The following GBA2 variants were observed in gnomAD, a reference collection of about 807,000 sequenced individuals.
GBA2 encodes the protein glucosylceramidase beta 2, also known as non-lysosomal glucosylceramidase.
A neutral mutation model predicts 112.9 loss-of-function variants in GBA2; 79 were observed. The ratio of observed to expected loss-of-function variants is 0.70; its 90% CI spans 0.58 to 0.84. The LOEUF (loss-of-function observed/expected upper bound fraction) is 0.84, where lower values mean the gene tolerates loss of function less well. GBA2 is among the 40% of genes least tolerant of loss of function. The pLI is 0.00. For missense variants in GBA2, 1,043 were observed against 1,190.0 expected, an observed-to-expected ratio of 0.88 and a Z score of 1.82; for synonymous variants, 403 against 434.3, an observed-to-expected ratio of 0.93 and a Z score of 0.90.
Position 35,737,772 on chromosome 9 carries a change from C to T in GBA2, c.2481G>A (p.Gly827=). 3.1e-6 allele frequency: 5 copies of T among 1,614,092 alleles called. No homozygotes were observed. The highest frequency in any genetic ancestry group is 4.2e-6 in the Non-Finnish European group (5 of 1,179,976). ...CCTCTTGGATCATGGTAGCTGCCAG[C>T]CCGTAGACCACACCCACCCAGACTT... ...SDEVWVGVVY[G]LAATMIQEGL... is the part of the protein sequence containing the mutation. The change falls in exon 16 of 17, where the codon GGG becomes GGA. Residue 827 remains glycine, a synonymous_variant. Transcript: ENST00000378103. The surrounding 1 kb of genome is among the most constrained non-coding windows in gnomAD (Gnocchi z 4.1).
At position 35,746,061 on chromosome 9, in the gene GBA2, C is replaced by T; in HGVS notation, c.360-1355G>A. Among the ~76,000 whole-genome samples, 1 of 152,318 alleles carries T rather than the reference C, an allele frequency of 6.6e-6. No individual in the cohort carries two copies. Among genetic ancestry groups the T allele is most frequent in the African/African-American group, 2.4e-5 (1 of 41,560 alleles). On this transcript the variant is annotated intron_variant, in intron 1 of 16. Transcript: ENST00000378103. This position sits in a 1 kb window ranked among gnomAD's most constrained non-coding sequence, Gnocchi z 5.2. ...ACTGTTATCTCAATTCCTAATCAGA[C>T]ATTGCCTTGTTATTTCAATGTTCCT...
chr9:35,739,589 G>T, intron 9 of GBA2, 39 bp downstream of exon 9: 1 of 1,585,154 alleles, frequency 6.3e-7, no homozygotes, highest in Non-Finnish European at 8.6e-7. Context: ...CCTGACTTGG[G>T]GATGGCCTGC....
intron 3 of GBA2, among the ~76,000 whole-genome samples, chr9:35,744,021 T>C (rs1489862207): frequency 6.6e-6 from 1 of 152,216 alleles, no homozygotes; most frequent in Non-Finnish European, 1.5e-5. Context: ...GGTTGGGGGC[T>C]GCCTCAGCTA....
At chr9:35,747,467 C>T (rs1827026061) in intron 1 of GBA2, among the ~76,000 whole-genome samples, 1 of 152,172 alleles carries the variant, frequency 6.6e-6, no homozygotes, top group African/African-American at 2.4e-5. Flanking sequence ...CTCCCCAGGG[C>T]TAGGGTTAGA....
chr9:35,746,356 A>T lies in GBA2; in HGVS notation c.360-1650T>A, dbSNP rs1826967837. Among the ~76,000 whole-genome samples, 1 of 152,222 alleles carries T rather than the reference A, an allele frequency of 6.6e-6. No individual in the cohort carries two copies. Among genetic ancestry groups the T allele is most frequent in the African/African-American group, 2.4e-5 (1 of 41,452 alleles). On this transcript the variant is annotated intron_variant, in intron 1 of 16. Coordinates refer to ENST00000378103, the MANE Select transcript of GBA2 (RefSeq NM_020944.3). This position sits in a 1 kb window ranked among gnomAD's most constrained non-coding sequence, Gnocchi z 5.2. ...GTAATCCCAGCACTTTGAGAGGCCG[A>T]GGTGGGCGGATCACGTGAGGTCAGG...
In GBA2 at chr9:35,741,694, G is replaced by A. The variant is rs1826696404; in HGVS notation, c.764C>T (p.Pro255Leu). The part of the protein sequence containing the change: ...NVTLTCRQIT[P>L]ILPHDYQDSS... ...CACCTGGTAGTCATGGGGCAAGATG[G>A]GTGTGATCTGACGGCAGGTGAGGGT... Residue 255 changes from proline (P) to leucine (L), a missense_variant, in exon 4 of 17, where the codon CCC (proline) becomes CTC (leucine). Physicochemically the swap from Pro to Leu is moderately conservative, Grantham distance 98. Transcript: ENST00000378103. This position sits in a 1 kb window ranked among gnomAD's most constrained non-coding sequence, Gnocchi z 4.6. 6.2e-7 allele frequency: 1 copy of A among 1,610,954 alleles called. No homozygotes were observed. Among genetic ancestry groups the A allele is most frequent in the African/African-American group, 1.3e-5 (1 of 74,818 alleles).
Position 35,737,120 on chromosome 9 carries a change from C to T in GBA2, c.*49G>A, listed in dbSNP as rs953706983. 1 of 1,569,978 alleles carries T rather than the reference C, an allele frequency of 6.4e-7. No individual in the cohort carries two copies. The highest frequency in any genetic ancestry group is 1.7e-5 in the Admixed American group (1 of 57,528). ...GGTTCAGAGGGGAAGGAGGAAAGGC[C>T]AGGCTGGAGGCTGGGCTGTTAGCAC... is the stretch of plus-strand genomic sequence containing the variant. On this transcript the variant is annotated 3_prime_UTR_variant, in exon 17 of 17. Coordinates refer to ENST00000378103, the MANE Select transcript of GBA2 (RefSeq NM_020944.3). This position sits in a 1 kb window ranked among gnomAD's most constrained non-coding sequence, Gnocchi z 4.1.
In GBA2 at chr9:35,737,402, T is replaced by C. The variant is rs377732636; in HGVS notation, c.2551A>G (p.Thr851Ala). ...GFQTAEGCYR[T>A]VWERLGLAFQ... is the part of the protein sequence containing the mutation. ...GCCAGACCCAGGCGCTCCCACACGG[T>C]ACGGTAGCAGCCTTCAGCTGTCTGG... Residue 851 changes from threonine to alanine, a missense_variant, in exon 17 of 17, where the codon ACC becomes GCC. Thr to Ala is a moderately conservative substitution (Grantham distance 58). Transcript: ENST00000378103. The surrounding 1 kb of genome is among the most constrained non-coding windows in gnomAD (Gnocchi z 4.1). The C allele has an allele frequency of 2.5e-6, 4 of 1,613,974 alleles. No homozygotes were observed. In the African/African-American group the frequency reaches 5.3e-5, roughly 22 times the overall value.
rs1426855000 is a variant in GBA2 at position 35,748,675 on chromosome 9, T to G, written c.30A>C (p.Gly10=). The part of the protein sequence containing the change: MGTQDPGNM[G]TGVPASEQIS... ...TCTGCTCCGAGGCTGGGACGCCGGT[T>G]CCCATGTTCCCTGGATCCTGGGTCC... is the stretch of plus-strand genomic sequence containing the variant. Residue 10 remains glycine (G), a synonymous_variant, in exon 1 of 17, where the codon GGA becomes GGC. Transcript: ENST00000378103. 6.3e-7 allele frequency: 1 copy of G among 1,581,984 alleles called. No homozygotes were observed. The highest frequency in any genetic ancestry group is 8.6e-7 in the Non-Finnish European group (1 of 1,160,954).
Position 35,748,693 on chromosome 9 carries a change from C to A in GBA2, c.12G>T (p.Gln4His). The A allele has an allele frequency of 6.4e-7, 1 of 1,563,036 alleles. No homozygotes were observed. Among genetic ancestry groups the A allele is most frequent in the South Asian group, 1.2e-5 (1 of 84,194 alleles). ...CGCCGGTTCCCATGTTCCCTGGATC[C>A]TGGGTCCCCATGACCTCGATGGCGC... is the stretch of plus-strand genomic sequence containing the variant. MGTQDPGNMGTGVP... is the reference protein window; with the variant it reads MGTHDPGNMGTGVP... Residue 4 changes from glutamine to histidine, a missense_variant, in exon 1 of 17, where the codon CAG becomes CAT. Coordinates refer to ENST00000378103, the MANE Select transcript of GBA2 (RefSeq NM_020944.3).
intron 10 of GBA2, 78 bp from the exon 11 acceptor site, chr9:35,739,187 T>A: frequency 9.5e-7 from 1 of 1,056,328 alleles, no homozygotes; most frequent in Non-Finnish European, 1.5e-6. Flanking sequence ...GTGACTGCAG[T>A]GGGGAACCAG....
intron 3 of GBA2, chr9:35,742,143 TC>T: frequency 1.8e-6 from 1 of 548,702 alleles, no homozygotes. Context: ...TCCTGCTTTT[TC>T]TGTGGCCCTT....
chr9:35,740,787 G>A lies in GBA2; in HGVS notation c.1026+38C>T, dbSNP rs564691501. ...GAGACCATGCTGGGGTGGAGGTGGG[G>A]TTCAGGGGCTAAGGTATAGGGCAGG... is the stretch of plus-strand genomic sequence containing the variant. On this transcript the variant is annotated intron_variant, in intron 5 of 16. Transcript: ENST00000378103. The surrounding 1 kb of genome is among the most constrained non-coding windows in gnomAD (Gnocchi z 4.7). The A allele has an allele frequency of 1.2e-6, 2 of 1,609,704 alleles. No homozygotes were observed. The highest frequency in any genetic ancestry group is 1.1e-5 in the South Asian group (1 of 90,862).
rs747712754 is a variant in GBA2, at chr9:35,748,830, A to C, written c.-126T>G. 1.4e-5 allele frequency: 9 copies of C among 634,404 alleles called. No individual in the cohort carries two copies. The highest frequency in any genetic ancestry group is 2.2e-5 in the Non-Finnish European group (8 of 364,988). 39.3% of individuals were successfully genotyped at this position (634,404 alleles called of 1,614,324 possible). On this transcript the variant is annotated 5_prime_UTR_variant, in exon 1 of 17. Coordinates refer to ENST00000378103, the MANE Select transcript of GBA2 (RefSeq NM_020944.3). ...CCGGGCGTTGGGGAAAGCTTAAATG[A>C]GCTGGTGTTTCAGTGGAGCCGGGGA...
At position 35,741,074 on chromosome 9, in the gene GBA2, G is replaced by A; in HGVS notation, c.787-10C>T. On this transcript the variant is annotated splice_polypyrimidine_tract_variant and intron_variant, in intron 4 of 16. Transcript: ENST00000378103. The surrounding 1 kb of genome is among the most constrained non-coding windows in gnomAD (Gnocchi z 4.6). Reference sequence around the variant, plus strand: ...CAGGCAGGCTGCTGTCCTGGGGGCAGAAGATTAGACTCAGACGGTCCCAGT... The same window carrying A: ...CAGGCAGGCTGCTGTCCTGGGGGCAAAAGATTAGACTCAGACGGTCCCAGT... 2 of 1,613,872 alleles carry A rather than the reference G, an allele frequency of 1.2e-6. No homozygotes were observed. Among genetic ancestry groups the A allele is most frequent in the Non-Finnish European group, 1.7e-6 (2 of 1,179,950 alleles).
At chr9:35,744,484 A>G in intron 2 of GBA2, 72 bp from the exon 3 acceptor site, 2 of 1,089,172 alleles carry the variant, frequency 1.8e-6, no homozygotes, top group Non-Finnish European at 2.8e-6. Flanking sequence ...TCTAGACTAT[A>G]AAGCCTGGTT....
rs776346547 is a variant in GBA2 at position 35,748,571 on chromosome 9, C to A, written c.134G>T (p.Cys45Phe). 4 of 1,613,980 alleles carry A rather than the reference C, an allele frequency of 2.5e-6. No homozygotes were observed. The East Asian group carries it at 6.7e-5, about 27-fold the overall frequency. ...GGGTCGGCTGTCTTCGGGACTCTTACAGTCTGTAACCTGCACATCCTTGGT... is the reference window on the plus strand; with the variant it reads ...GGGTCGGCTGTCTTCGGGACTCTTAAAGTCTGTAACCTGCACATCCTTGGT... ...GGTKDVQVTDCKSPEDSRPPK... is the reference protein window; with the variant it reads ...GGTKDVQVTDFKSPEDSRPPK... The change falls in exon 1 of 17, where the codon TGT becomes TTT. Residue 45 changes from cysteine to phenylalanine, a missense_variant. Transcript: ENST00000378103.
chr9:35,747,585 C>G (rs1022514128), intron 1 of GBA2, among the ~76,000 whole-genome samples: 1 of 152,222 alleles, frequency 6.6e-6, no homozygotes, highest in African/African-American at 2.4e-5. Context: ...CCTCCCTCCA[C>G]AGTTCTGTGT....
At position 35,737,894 on chromosome 9, in the gene GBA2, C is replaced by G; in HGVS notation, c.2359G>C (p.Glu787Gln). 1 of 1,613,428 alleles carries G rather than the reference C, an allele frequency of 6.2e-7. No homozygotes were observed. Among genetic ancestry groups the G allele is most frequent in the East Asian group, 2.2e-5 (1 of 44,874 alleles). ...CCTGCAAAGGCCTGGACGTTCAGCT[C>G]AAAGATAGTTTGGAGAGCACGGACC... is the stretch of plus-strand genomic sequence containing the variant. ...HVVRALQTIF[E>Q]LNVQAFAGGA... Residue 787 changes from glutamate (E) to glutamine (Q), a missense_variant, in exon 16 of 17, where the codon GAG becomes CAG. Coordinates refer to ENST00000378103, the MANE Select transcript of GBA2 (RefSeq NM_020944.3). The surrounding 1 kb of genome is among the most constrained non-coding windows in gnomAD (Gnocchi z 4.1).
Sources: allele counts gnomAD v4.1 joint callset (sites outside exome capture counted in the v4.1 genomes callset), GRCh38; gene constraint gnomAD v4.1.1; non-coding constraint Gnocchi (gnomAD v3.1); transcripts MANE v1.5; gene names NCBI Gene and HGNC (gene_info 2026-07-23, HGNC 2026-07-21).